Variants in SPAG16 observed in about 807,000 individuals in gnomAD.
SPAG16 encodes the protein sperm associated antigen 16.
SPAG16 carries 86 observed loss-of-function variants against 80.4 expected under a neutral mutation model. That is an observed-to-expected ratio of 1.07 (90% CI 0.90 to 1.28). The LOEUF (loss-of-function observed/expected upper bound fraction) is 1.28, where lower values mean the gene tolerates loss of function less well. SPAG16 is among the 50% of genes most tolerant of loss of function. The probability of loss-of-function intolerance (pLI) is 0.00; values close to 1 mark genes in which losing one functional copy is unlikely to be tolerated. For missense variants in SPAG16, 870 were observed against 765.3 expected (o/e 1.14, Z -1.61); for synonymous variants, 294 against 265.9 (o/e 1.11, Z -1.03).
intron 13 of SPAG16, among the ~76,000 whole-genome samples, chr2:214,034,364 G>C (rs544393869): frequency 3.9e-5 from 6 of 152,200 alleles, no homozygotes; most frequent in East Asian, 1.9e-4. Context: ...GTGTTCTCCA[G>C]ATTTCACCTA....
chr2:214,260,752 A>C (rs1559162658), intron 15 of SPAG16, among the ~76,000 whole-genome samples: 1 of 152,038 alleles, frequency 6.6e-6, no homozygotes, highest in East Asian at 1.9e-4. Flanking sequence ...TCTATCTTTG[A>C]CTATTCAGGC....
At chr2:213,603,077 G>A (rs151273285) in intron 10 of SPAG16, among the ~76,000 whole-genome samples, 4 of 152,308 alleles carry the variant, frequency 2.6e-5, no homozygotes, top group Admixed American at 2.6e-4. Flanking sequence ...CGTGAAAAGT[G>A]CAGGTCAACA....
intron 14 of SPAG16, among the ~76,000 whole-genome samples, chr2:214,115,175 G>A (rs2053871456): frequency 6.6e-6 from 1 of 152,104 alleles, no homozygotes; most frequent in Non-Finnish European, 1.5e-5. Context: ...TAACAATTAT[G>A]TTTTATGTCA....
At chr2:213,447,622 G>A (rs1244190088) in intron 9 of SPAG16, among the ~76,000 whole-genome samples, 3 of 152,182 alleles carry the variant, frequency 2.0e-5, no homozygotes, top group African/African-American at 4.8e-5. Context: ...CGTTCCCACC[G>A]CCACTCCTCT....
intron 10 of SPAG16, among the ~76,000 whole-genome samples, chr2:213,761,461 C>A (rs894462002): frequency 6.6e-6 from 1 of 151,916 alleles, no homozygotes; most frequent in Non-Finnish European, 1.5e-5. Context: ...ACCAATGAAC[C>A]CAAGACTTGG....
intron 15 of SPAG16, among the ~76,000 whole-genome samples, chr2:214,259,112 G>T (rs2125866765): frequency 6.6e-6 from 1 of 151,398 alleles, no homozygotes; most frequent in Admixed American, 6.6e-5. Flanking sequence ...TTGTATTTTG[G>T]ATTGTTTTAA....
At chr2:213,744,238 G>T (rs1216367263) in intron 10 of SPAG16, among the ~76,000 whole-genome samples, 1 of 152,190 alleles carries the variant, frequency 6.6e-6, no homozygotes, top group Non-Finnish European at 1.5e-5. Context: ...GGTTGTCAAT[G>T]AAGTAGGTGC....
rs940477846 is a variant in SPAG16, at chr2:213,797,320, T to C, written c.1071-65165T>C. ...GTAATGTACAGTAGTGTCCTAGGCC[T>C]TCACATTCACTCACCACTGACTCAC... is the stretch of plus-strand genomic sequence containing the variant. On this transcript the variant is annotated intron_variant, in intron 10 of 15. Transcript: ENST00000331683. 7.9e-5 allele frequency among the ~76,000 whole-genome samples: 12 copies of C among 152,328 alleles called. No homozygotes were observed. In the East Asian group the frequency reaches 1.5e-3, roughly 20 times the overall value.
intron 10 of SPAG16, among the ~76,000 whole-genome samples, chr2:213,749,736 T>A (rs987096514): frequency 7.9e-5 from 12 of 152,164 alleles, no homozygotes; most frequent in Non-Finnish European, 1.6e-4. Flanking sequence ...TTTTTATAAG[T>A]TTGATTTTAT....
chr2:213,665,688 A>AT (rs1382166755), intron 10 of SPAG16, among the ~76,000 whole-genome samples: 1 of 152,142 alleles, frequency 6.6e-6, no homozygotes, highest in African/African-American at 2.4e-5. Context: ...ATGTGTGTTT[A>AT]TTTTTAAAGA....
chr2:214,013,862 C>A lies in SPAG16; in HGVS notation c.1401-89C>A, dbSNP rs1057401422. 28 of 1,305,892 alleles carry A rather than the reference C, an allele frequency of 2.1e-5. No homozygotes were observed. The African/African-American group carries it at 3.4e-4, about 16-fold the overall frequency. 80.9% of individuals were successfully genotyped at this position (1,305,892 alleles called of 1,614,324 possible). ...ATTTTTGCCATTAATAAAATTATTT[C>A]ATGCCTCAGTTCCTTAAATTATTTT... On this transcript the variant is annotated intron_variant, in intron 12 of 15. Coordinates refer to ENST00000331683, the MANE Select transcript of SPAG16 (RefSeq NM_024532.5).
chr2:213,625,088 C>T (rs894349962), intron 10 of SPAG16, among the ~76,000 whole-genome samples: 10 of 152,106 alleles, frequency 6.6e-5, no homozygotes, highest in South Asian at 4.1e-4. Context: ...CCACCACACC[C>T]GGCCTCAGTT....
At chr2:213,748,601 T>C (rs1349372605) in intron 10 of SPAG16, among the ~76,000 whole-genome samples, 1 of 152,190 alleles carries the variant, frequency 6.6e-6, no homozygotes, top group Admixed American at 6.5e-5. Context: ...ATGTATATCA[T>C]TCATTAACAT....
chr2:214,400,557 G>C (rs1479518399), intron 15 of SPAG16, among the ~76,000 whole-genome samples: 1 of 151,980 alleles, frequency 6.6e-6, no homozygotes. Context: ...CATCTGAAGA[G>C]TTTGGTATCT....
intron 15 of SPAG16, among the ~76,000 whole-genome samples, chr2:214,396,660 AT>A (rs1230067436): frequency 6.6e-6 from 1 of 152,156 alleles, no homozygotes; most frequent in Non-Finnish European, 1.5e-5. Context: ...CCCAAAGAAT[AT>A]ATTTTTAAAT....
rs779916122 is a variant in SPAG16 at position 213,802,568 on chromosome 2, T to TA, written c.1071-59910dup. On this transcript the variant is annotated intron_variant, in intron 10 of 15. Transcript: ENST00000331683. ...AAGAATAGTTTCTTTTGAGAAAAGT[T>TA]AAAAAAAGCACCTACCCTAATTCTG... 8.5e-5 allele frequency among the ~76,000 whole-genome samples: 13 copies of TA among 152,198 alleles called. No homozygotes were observed. In the South Asian group the frequency reaches 2.1e-3, roughly 24 times the overall value.
At chr2:213,390,948 C>T (rs1005010813) in intron 9 of SPAG16, among the ~76,000 whole-genome samples, 2 of 152,020 alleles carry the variant, frequency 1.3e-5, no homozygotes, top group African/African-American at 4.8e-5. Context: ...TTCATTTTTG[C>T]CCATTTATTT....
At chr2:214,256,323 CTTAG>C (rs1292475122) in intron 15 of SPAG16, among the ~76,000 whole-genome samples, 2 of 151,684 alleles carry the variant, frequency 1.3e-5, no homozygotes, top group Admixed American at 1.3e-4. Flanking sequence ...AGCAGTAGAA[CTTAG>C]TTATTTATTG....
intron 9 of SPAG16, among the ~76,000 whole-genome samples, chr2:213,417,011 G>A (rs1405393863): frequency 6.6e-6 from 1 of 152,158 alleles, no homozygotes; most frequent in Non-Finnish European, 1.5e-5. Context: ...CTGGTTGCCT[G>A]GTACCTAACT....
Sources: gnomAD v4.1 joint callset for allele counts (sites outside exome capture counted in the v4.1 genomes callset) on GRCh38, gnomAD v4.1.1 for gene constraint, MANE v1.5 for transcripts, NCBI Gene and HGNC (gene_info 2026-07-23, HGNC 2026-07-21) for gene names.